Variants in CNRIP1 observed in about 807,000 individuals in gnomAD.
CNRIP1 encodes the protein cannabinoid receptor interacting protein 1.
In CNRIP1, 10 loss-of-function variants were observed where a neutral mutation model predicts 15.2. The observed-to-expected ratio is 0.66, with a 90% CI of 0.41 to 1.12. The LOEUF (loss-of-function observed/expected upper bound fraction) is 1.12. CNRIP1 is among the 50% of genes most tolerant of loss of function. The pLI is 0.00. For missense variants in CNRIP1, 211 were observed against 214.7 expected, an observed-to-expected ratio of 0.98 and a Z score of 0.11; for synonymous variants, 91 against 83.2, an observed-to-expected ratio of 1.09 and a Z score of -0.51.
chr2:68,302,895 G>A (rs1417803081), intron 2 of CNRIP1, among the ~76,000 whole-genome samples: 1 of 142,200 alleles, frequency 7.0e-6, no homozygotes, highest in Non-Finnish European at 1.5e-5. Context: ...CGCCCAGGCT[G>A]GAGTGCAGTG....
intron 2 of CNRIP1, among the ~76,000 whole-genome samples, chr2:68,300,454 T>C (rs565243064): frequency 1.1e-4 from 16 of 152,018 alleles, no homozygotes; most frequent in African/African-American, 3.1e-4. Flanking sequence ...CCATCTCTAG[T>C]AAAAATACAA....
intron 2 of CNRIP1, among the ~76,000 whole-genome samples, chr2:68,287,078 A>C (rs1671049668): frequency 6.6e-6 from 1 of 152,190 alleles, no homozygotes; most frequent in Non-Finnish European, 1.5e-5. Flanking sequence ...AAGACCATGG[A>C]AGGAAAAAAA....
chr2:68,306,959 C>T (rs952420654), intron 2 of CNRIP1, among the ~76,000 whole-genome samples: 1 of 152,134 alleles, frequency 6.6e-6, no homozygotes, highest in Non-Finnish European at 1.5e-5. Context: ...GAATGTGTCC[C>T]AGCATCTTAG....
At chr2:68,285,762 C>T (rs942415697) in intron 2 of CNRIP1, among the ~76,000 whole-genome samples, 3 of 151,944 alleles carry the variant, frequency 2.0e-5, no homozygotes, top group African/African-American at 4.8e-5. Flanking sequence ...TGCATGTGCA[C>T]GTGTGTGTAC....
intron 2 of CNRIP1, among the ~76,000 whole-genome samples, chr2:68,314,180 A>C (rs558504995): frequency 1.4e-4 from 22 of 151,918 alleles, no homozygotes; most frequent in Non-Finnish European, 3.1e-4. Context: ...GTATGTTTCC[A>C]CCCTCAAGAT....
At position 68,319,431 on chromosome 2, in the gene CNRIP1, G is replaced by T; in HGVS notation, c.-31C>A. ...GGCGAGGGTCTGGCGCGGCGGCTCC[G>T]GGGGGCGGAGGACAGCGCCGGCTGC... On this transcript the variant is annotated 5_prime_UTR_variant, in exon 1 of 3. Coordinates refer to ENST00000263655, the MANE Select transcript of CNRIP1 (RefSeq NM_015463.3). 6.7e-7 allele frequency: 1 copy of T among 1,491,254 alleles called. No homozygotes were observed. The highest frequency in any genetic ancestry group is 1.3e-5 in the South Asian group (1 of 77,952). The allele number at this position is 1,491,254 out of a possible 1,614,324, so 92.4% of individuals were successfully genotyped here.
In CNRIP1 at chr2:68,319,394, C is replaced by G; in HGVS notation, c.7G>C (p.Asp3His). ...GAGAGGCGCACGAGGCCCGGCAGGT[C>G]CCCCATGTCTGGGCGAGGGTCTGGC... MGDLPGLVRLSIA... is the reference protein window; with the variant it reads MGHLPGLVRLSIA... Residue 3 changes from aspartate to histidine, a missense_variant, in exon 1 of 3, where the codon GAC (aspartate) becomes CAC (histidine). Transcript: ENST00000263655. 1 of 1,569,948 alleles carries G rather than the reference C, an allele frequency of 6.4e-7. No homozygotes were observed. The highest frequency in any genetic ancestry group is 8.6e-7 in the Non-Finnish European group (1 of 1,159,776).
chr2:68,290,605 T>C (rs1439863110), downstream of CNRIP1, among the ~76,000 whole-genome samples: 1 of 152,214 alleles, frequency 6.6e-6, no homozygotes, highest in African/African-American at 2.4e-5. Context: ...AATTGTCTTC[T>C]TCCCTTTCAT....
intron 2 of CNRIP1, chr2:68,316,405 C>T (rs183142194): frequency 1.8e-4 from 28 of 152,284 alleles, no homozygotes; most frequent in Admixed American, 4.6e-4. Context: ...AGGGAAAAGG[C>T]TGCCCAGTTT....
intron 2 of CNRIP1, among the ~76,000 whole-genome samples, chr2:68,311,646 G>A (rs776863126): frequency 9.9e-5 from 15 of 151,668 alleles, no homozygotes; most frequent in Non-Finnish European, 1.3e-4. Flanking sequence ...ATGGTGGTGC[G>A]CACCTGTAAT....
At chr2:68,307,564 G>A (rs1028000604) in intron 2 of CNRIP1, among the ~76,000 whole-genome samples, 7 of 152,138 alleles carry the variant, frequency 4.6e-5, no homozygotes, top group East Asian at 1.9e-4. Flanking sequence ...GCCCACATGC[G>A]ATCCTCTTGC....
Position 68,293,906 on chromosome 2 carries a change from C to T in CNRIP1, c.451G>A (p.Glu151Lys), listed in dbSNP as rs1238563543. 1.4e-5 allele frequency: 22 copies of T among 1,614,084 alleles called. No homozygotes were observed. The Middle Eastern group carries it at 1.2e-3, about 85-fold the overall frequency. The change falls in exon 3 of 3, where the codon GAG becomes AAG. Residue 151 changes from glutamate to lysine, a missense_variant. By Grantham distance (56) the Glu-to-Lys change is moderately conservative. Transcript: ENST00000263655. ...SVIEYECKPN[E>K]TRSLMWVNKE... ...TTCACCCACATCAGACTGCGTGTCT[C>T]GTTGGGCTTGCATTCATACTCAATG...
chr2:68,303,073 T>G (rs368659683), intron 2 of CNRIP1, among the ~76,000 whole-genome samples: 1 of 148,772 alleles, frequency 6.7e-6, no homozygotes, highest in African/African-American at 2.5e-5. Context: ...GGTCTCGATC[T>G]CCTGACTTCG....
At chr2:68,304,229 G>GA (rs11315317) in intron 2 of CNRIP1, among the ~76,000 whole-genome samples, 14,591 of 140,102 alleles carry the variant, frequency 0.1, 807 homozygotes, top group African/African-American at 0.16. Flanking sequence ...GTCTCTACTT[G>GA]AAAAAAAAAA....
intron 2 of CNRIP1, among the ~76,000 whole-genome samples, chr2:68,303,570 T>G (rs2103651253): frequency 6.6e-6 from 1 of 152,210 alleles, no homozygotes; most frequent in East Asian, 1.9e-4. Flanking sequence ...AACAGAACAC[T>G]AGGAAAGAAG....
intron 2 of CNRIP1, chr2:68,316,582 A>G (rs1428226501): frequency 6.6e-6 from 1 of 150,606 alleles, no homozygotes; most frequent in Non-Finnish European, 1.5e-5. Context: ...ATATCATTTT[A>G]TTATATATGA....
chr2:68,309,755 G>A (rs1672003709), intron 2 of CNRIP1, among the ~76,000 whole-genome samples: 1 of 152,106 alleles, frequency 6.6e-6, no homozygotes, highest in African/African-American at 2.4e-5. Flanking sequence ...GAAAAATCCT[G>A]GAAGAAAGAG....
intron 2 of CNRIP1, among the ~76,000 whole-genome samples, chr2:68,310,200 C>T (rs540939236): frequency 6.2e-4 from 94 of 152,270 alleles, no homozygotes; most frequent in Non-Finnish European, 1.1e-3. Flanking sequence ...TGGTGGCACG[C>T]GCCTGTAGCC....
intron 2 of CNRIP1, among the ~76,000 whole-genome samples, chr2:68,294,485 G>A (rs768448426): frequency 6.6e-5 from 10 of 152,122 alleles, no homozygotes; most frequent in African/African-American, 2.4e-4. Flanking sequence ...GCAAGATTCT[G>A]TCTCTAAAAC....
Sources: allele counts gnomAD v4.1 joint callset (sites outside exome capture counted in the v4.1 genomes callset), GRCh38; gene constraint gnomAD v4.1.1; transcripts MANE v1.5; gene names NCBI Gene and HGNC (gene_info 2026-07-23, HGNC 2026-07-21).